Variants in TBC1D22A observed in about 807,000 individuals in gnomAD.
TBC1D22A encodes TBC1 domain family member 22A, also known as putative GTPase activator.
TBC1D22A carries 38 observed loss-of-function variants against 60.2 expected under a neutral mutation model. The observed-to-expected ratio is 0.63, with a 90% CI of 0.49 to 0.83. TBC1D22A has a LOEUF of 0.83. TBC1D22A is among the 40% of genes least tolerant of loss of function. The probability of loss-of-function intolerance (pLI) is 0.00; values close to 1 mark genes in which losing one functional copy is unlikely to be tolerated. For synonymous variants in TBC1D22A, 302 were observed against 281.7 expected (o/e 1.07, Z -0.72); for missense variants, 628 against 701.0 (o/e 0.90, Z 1.18).
intron 10 of TBC1D22A, among the ~76,000 whole-genome samples, chr22:47,001,582 G>A (rs1393206160): frequency 1.3e-5 from 2 of 152,094 alleles, no homozygotes. Context: ...CTTCAGGTCA[G>A]CTTCTGAGAA....
chr22:46,931,018 G>A (rs1189109664), intron 8 of TBC1D22A, among the ~76,000 whole-genome samples: 1 of 152,220 alleles, frequency 6.6e-6, no homozygotes, highest in Non-Finnish European at 1.5e-5. Flanking sequence ...TAAGTGGCTT[G>A]TAAGGCCCCA....
chr22:47,155,018 C>G (rs960296469), intron 12 of TBC1D22A, among the ~76,000 whole-genome samples: 10 of 152,152 alleles, frequency 6.6e-5, no homozygotes, highest in African/African-American at 2.4e-4. Flanking sequence ...CCCCAAACAC[C>G]GCAAGGCAGG....
intron 12 of TBC1D22A, among the ~76,000 whole-genome samples, chr22:47,120,611 G>T (rs1421252474): frequency 6.6e-6 from 1 of 152,258 alleles, no homozygotes; most frequent in Non-Finnish European, 1.5e-5. Context: ...TGGAGCAGGT[G>T]GATGTGAGTC....
Position 46,941,108 on chromosome 22 carries a change from T to TACACACACAC in TBC1D22A, c.1015+28950_1015+28959dup, listed in dbSNP as rs145138507. ...CAGCATGGGGACTGGGGCACTAGCA[T>TACACACACAC]ACACACACACACACACACACACACA... On this transcript the variant is annotated intron_variant, in intron 8 of 12. Transcript: ENST00000337137. Among the ~76,000 whole-genome samples the TACACACACAC allele has an allele frequency of 1.7e-4, 13 of 77,460 alleles. 1 individual carries two copies. The highest frequency in any genetic ancestry group is 6.7e-4 in the African/African-American group (12 of 17,870). 50.8% of individuals were successfully genotyped at this position (77,460 alleles called of 152,430 possible).
intron 5 of TBC1D22A, among the ~76,000 whole-genome samples, chr22:46,887,593 G>T (rs533527671): frequency 3.3e-5 from 5 of 152,302 alleles, no homozygotes; most frequent in African/African-American, 1.2e-4. Flanking sequence ...AGGAACTACT[G>T]TTACGCGTTA....
chr22:46,801,692 CTG>C (rs960718427), intron 4 of TBC1D22A, among the ~76,000 whole-genome samples: 3 of 152,346 alleles, frequency 2.0e-5, no homozygotes, highest in Non-Finnish European at 2.9e-5. Context: ...GGAGGGCAAA[CTG>C]TGTGTGGAGC....
chr22:47,015,243 G>A (rs937545911), intron 10 of TBC1D22A, among the ~76,000 whole-genome samples: 2 of 152,206 alleles, frequency 1.3e-5, no homozygotes, highest in African/African-American at 4.8e-5. Flanking sequence ...GAGCCAGGAT[G>A]CGGTTCCTGG....
chr22:47,155,980 GGTGT>G (rs2067700794), intron 12 of TBC1D22A, among the ~76,000 whole-genome samples: 1 of 152,202 alleles, frequency 6.6e-6, no homozygotes, highest in South Asian at 2.1e-4. Flanking sequence ...CTACGTCTGT[GGTGT>G]GTGCCCAGCG....
At chr22:46,818,397 C>G (rs2085689403) in intron 4 of TBC1D22A, among the ~76,000 whole-genome samples, 1 of 152,180 alleles carries the variant, frequency 6.6e-6, no homozygotes, top group African/African-American at 2.4e-5. Flanking sequence ...ACATGTAAGT[C>G]TTTAAGCCAT....
chr22:46,911,778 G>A (rs897383571), intron 7 of TBC1D22A, among the ~76,000 whole-genome samples: 29 of 152,080 alleles, frequency 1.9e-4, no homozygotes, highest in Admixed American at 1.4e-3. Flanking sequence ...AATTAGCCAG[G>A]CATGGTAGCG....
intron 5 of TBC1D22A, among the ~76,000 whole-genome samples, chr22:46,886,270 A>G (rs1216918155): frequency 6.6e-6 from 1 of 152,248 alleles, no homozygotes; most frequent in African/African-American, 2.4e-5. Context: ...ATGGGAAAAC[A>G]GAGGCCAGGT....
intron 1 of TBC1D22A, among the ~76,000 whole-genome samples, chr22:46,774,880 G>A (rs1316170267): frequency 1.3e-5 from 2 of 152,228 alleles, no homozygotes; most frequent in Non-Finnish European, 2.9e-5. Flanking sequence ...TGTGTGCACC[G>A]GAGCCCGGCC....
chr22:47,141,173 C>T (rs1202122682), intron 12 of TBC1D22A, among the ~76,000 whole-genome samples: 1 of 152,092 alleles, frequency 6.6e-6, no homozygotes, highest in Admixed American at 6.5e-5. Context: ...CATCAGATCT[C>T]GTGAGACTTA....
chr22:47,042,401 TGA>T (rs57730619), intron 11 of TBC1D22A, among the ~76,000 whole-genome samples: 25 of 149,426 alleles, frequency 1.7e-4, no homozygotes, highest in Admixed American at 2.7e-4. Context: ...CCAGCCTGTA[TGA>T]GAGAGAGAGA....
chr22:46,956,795 G>A lies in TBC1D22A; in HGVS notation c.1016-17495G>A, dbSNP rs535427675. 3.0e-4 allele frequency among the ~76,000 whole-genome samples: 45 copies of A among 152,354 alleles called. 1 individual carries two copies. The highest frequency in any genetic ancestry group is 1.0e-3 in the African/African-American group (42 of 41,586). ...AGGAGACACTAGGGGCTTTAGGTGA[G>A]GCACTTCCTCTGTCTTTCAGATGGA... On this transcript the variant is annotated intron_variant, in intron 8 of 12. Coordinates refer to ENST00000337137, the MANE Select transcript of TBC1D22A (RefSeq NM_014346.5).
chr22:47,002,427 C>G (rs1406106199), intron 10 of TBC1D22A, among the ~76,000 whole-genome samples: 1 of 152,200 alleles, frequency 6.6e-6, no homozygotes, highest in Non-Finnish European at 1.5e-5. Context: ...GCCAGCCCCA[C>G]CTGGTACTCA....
intron 7 of TBC1D22A, among the ~76,000 whole-genome samples, chr22:46,903,384 C>G (rs144254634): frequency 0.014 from 2,111 of 152,334 alleles, 21 homozygotes; most frequent in Non-Finnish European, 0.024. Flanking sequence ...TTTGCCCTCC[C>G]CGCCCTGATG....
chr22:46,829,274 C>T lies in TBC1D22A; in HGVS notation c.637+31654C>T, dbSNP rs141181810. On this transcript the variant is annotated intron_variant, in intron 4 of 12. Coordinates refer to ENST00000337137, the MANE Select transcript of TBC1D22A (RefSeq NM_014346.5). ...CCTCAGGGTAGGGGTGCATCTTATT[C>T]ATCTTCAGGTTCCGTGGTTCAGGGC... is the stretch of plus-strand genomic sequence containing the variant. 9.9e-5 allele frequency among the ~76,000 whole-genome samples: 15 copies of T among 152,262 alleles called. No homozygotes were observed. The East Asian group carries it at 2.7e-3, about 27-fold the overall frequency.
At chr22:47,170,979 C>A (rs578160712) in intron 12 of TBC1D22A, among the ~76,000 whole-genome samples, 1 of 152,264 alleles carries the variant, frequency 6.6e-6, no homozygotes, top group East Asian at 1.9e-4. Flanking sequence ...GGGGGCCTGC[C>A]TCAGTGAGGG....
Sources: gnomAD v4.1 joint callset for allele counts (sites outside exome capture counted in the v4.1 genomes callset) on GRCh38, gnomAD v4.1.1 for gene constraint, MANE v1.5 for transcripts, NCBI Gene and HGNC (gene_info 2026-07-23, HGNC 2026-07-21) for gene names.